Variants in ANKRD28 observed in about 807,000 individuals in gnomAD.
ANKRD28 encodes serine/threonine-protein phosphatase 6 regulatory ankyrin repeat subunit A.
Under a neutral mutation model 126.5 loss-of-function variants are expected in ANKRD28, and 44 were observed. The observed-to-expected ratio is 0.35, with a 90% confidence interval of 0.27 to 0.45. ANKRD28 has a LOEUF of 0.45. Among genes scored for constraint, ANKRD28 ranks in the 20% least tolerant of loss-of-function variants. The pLI is 1.00. For synonymous variants in ANKRD28, 442 were observed against 468.5 expected, an observed-to-expected ratio of 0.94 and a Z score of 0.73; for missense variants, 1,110 against 1,316.6, an observed-to-expected ratio of 0.84 and a Z score of 2.43.
In ANKRD28 at chr3:15,833,029, A is replaced by C. The variant is rs2061238915; in HGVS notation, c.27+26348T>G. 6.6e-6 allele frequency among the ~76,000 whole-genome samples: 1 copy of C among 152,152 alleles called. No individual in the cohort carries two copies. The highest frequency in any genetic ancestry group is 6.5e-5 in the Admixed American group (1 of 15,282). ...ACTATTTTCCATAAGGATTTTACTAACTTACATTCCCACCAATAGTGTATA... is the reference window on the plus strand; with the variant it reads ...ACTATTTTCCATAAGGATTTTACTACCTTACATTCCCACCAATAGTGTATA... On this transcript the variant is annotated intron_variant, in intron 1 of 27. Coordinates refer to the ANKRD28 transcript ENST00000399451. This position sits in a 1 kb window ranked among gnomAD's most constrained non-coding sequence, Gnocchi z 4.4.
In ANKRD28 at chr3:15,833,975, C is replaced by T. The variant is rs2061266111; in HGVS notation, c.27+25402G>A. Reference sequence around the variant, plus strand: ...GTTCCTTGTAGATTCTGGATATTAGCCTTTTGTCAGATGCAGTTTTCACAT... The same window carrying T: ...GTTCCTTGTAGATTCTGGATATTAGTCTTTTGTCAGATGCAGTTTTCACAT... On this transcript the variant is annotated intron_variant, in intron 1 of 27. Transcript: ENST00000399451. This position sits in a 1 kb window ranked among gnomAD's most constrained non-coding sequence, Gnocchi z 4.4. Among the ~76,000 whole-genome samples the T allele has an allele frequency of 6.6e-6, 1 of 151,924 alleles. No homozygotes were observed. Among genetic ancestry groups the T allele is most frequent in the Non-Finnish European group, 1.5e-5 (1 of 67,966 alleles).
intron 6 of ANKRD28, among the ~76,000 whole-genome samples, chr3:15,725,536 A>G (rs997577518): frequency 6.6e-6 from 1 of 152,076 alleles, no homozygotes; most frequent in Admixed American, 6.6e-5. Flanking sequence ...TTAAAAATTG[A>G]AAGTTTGTGG....
At chr3:15,847,752 A>G (rs2061558338) in intron 1 of ANKRD28, among the ~76,000 whole-genome samples, 1 of 152,192 alleles carries the variant, frequency 6.6e-6, no homozygotes, top group Non-Finnish European at 1.5e-5. Context: ...CCACTTTTCA[A>G]ATGGATAACA....
chr3:15,856,903 A>G (rs1440511617), intron 1 of ANKRD28, among the ~76,000 whole-genome samples: 7 of 152,246 alleles, frequency 4.6e-5, no homozygotes, highest in Non-Finnish European at 1.0e-4. Context: ...CTAAAAAAGT[A>G]CATTCTACTA....
rs765563891 is a variant in ANKRD28, at chr3:15,686,338, A to G, written c.1964-29T>C. 6 of 1,445,048 alleles carry G rather than the reference A, an allele frequency of 4.2e-6. No individual in the cohort carries two copies. In the South Asian group the frequency reaches 7.4e-5, roughly 18 times the overall value. The allele number at this position is 1,445,048 out of a possible 1,614,324, so 89.5% of individuals were successfully genotyped here. On this transcript the variant is annotated intron_variant, in intron 18 of 27. Coordinates refer to ENST00000683139, the MANE Select transcript of ANKRD28 (RefSeq NM_001349278.2). ...TAAAGTGAAATTTAAACATTTCAGT[A>G]ATTACATATAATGATAAAATAGAAA...
rs796716938 is a variant in ANKRD28 at position 15,812,004 on chromosome 3, T to C, written c.28-16698A>G. Among the ~76,000 whole-genome samples, 12 of 151,738 alleles carry C rather than the reference T, an allele frequency of 7.9e-5. No individual in the cohort carries two copies. Among genetic ancestry groups the C allele is most frequent in the African/African-American group, 2.7e-4 (11 of 41,406 alleles). On this transcript the variant is annotated intron_variant, in intron 1 of 27. Coordinates refer to the ANKRD28 transcript ENST00000399451. This position sits in a 1 kb window ranked among gnomAD's most constrained non-coding sequence, Gnocchi z 4.1. ...CCTATCTTTACTAAAAATAGAAAAATTAGCCAGGCGTGGTGGTACGCACCT... is the reference window on the plus strand; with the variant it reads ...CCTATCTTTACTAAAAATAGAAAAACTAGCCAGGCGTGGTGGTACGCACCT...
intron 8 of ANKRD28, among the ~76,000 whole-genome samples, chr3:15,718,358 C>T (rs1398351924): frequency 1.3e-5 from 2 of 152,182 alleles, no homozygotes; most frequent in African/African-American, 2.4e-5. Flanking sequence ...TTAAATATAT[C>T]TTAATGCCTT....
At chr3:15,744,967 T>C (rs1051807855) in intron 4 of ANKRD28, among the ~76,000 whole-genome samples, 9 of 152,150 alleles carry the variant, frequency 5.9e-5, no homozygotes, top group African/African-American at 1.7e-4. Flanking sequence ...CGCTTTGTGG[T>C]TTTGATTTAC....
chr3:15,850,101 T>C (rs2061605393), intron 1 of ANKRD28, among the ~76,000 whole-genome samples: 1 of 150,972 alleles, frequency 6.6e-6, no homozygotes, highest in Non-Finnish European at 1.5e-5. Flanking sequence ...AGTCAACTGA[T>C]TTATGATACA....
intron 4 of ANKRD28, among the ~76,000 whole-genome samples, chr3:15,741,881 C>T (rs62240809): frequency 0.46 from 70,459 of 151,558 alleles, 19,307 homozygotes; most frequent in Non-Finnish European, 0.6. Context: ...CGATTGCAGG[C>T]GCGCGCCACC....
chr3:15,859,266 T>G, intron 1 of ANKRD28: 3 of 1,447,100 alleles, frequency 2.1e-6, no homozygotes, highest in African/African-American at 3.0e-5. Flanking sequence ...GACCCCCGTT[T>G]CCCTCGCAAC....
rs1252608663 is a variant in ANKRD28 at position 15,859,419 on chromosome 3, G to A, written c.-16C>T. The A allele has an allele frequency of 2.0e-6, 3 of 1,523,038 alleles. 1 individual carries two copies. The highest frequency in any genetic ancestry group is 2.4e-5 in the South Asian group (2 of 82,248). 94.3% of individuals were successfully genotyped at this position (1,523,038 alleles called of 1,614,324 possible). A position where few individuals can be genotyped will look rare whatever the true frequency, so the allele number is the denominator to read the frequency against. ...GGAACGCCATGGCGGTCGCCTCCGC[G>A]CCCACTCCAGCCTCCTCCTCCTCCG... On this transcript the variant is annotated 5_prime_UTR_variant, in exon 1 of 28. Transcript: ENST00000399451.
intron 25 of ANKRD28, 104 bp downstream of exon 25, chr3:15,677,376 T>C (rs549598148): frequency 1.3e-6 from 1 of 782,848 alleles, no homozygotes; most frequent in East Asian, 2.6e-5. Context: ...CAGTGATCAT[T>C]AGAGAGGTTT....
chr3:15,805,380 A>G (rs1365772982), intron 1 of ANKRD28, among the ~76,000 whole-genome samples: 3 of 152,110 alleles, frequency 2.0e-5, no homozygotes. Flanking sequence ...AGGACTCATC[A>G]TTTTAGAGGT....
chr3:15,767,635 C>T (rs1221465233), intron 2 of ANKRD28, among the ~76,000 whole-genome samples: 1 of 122,060 alleles, frequency 8.2e-6, no homozygotes, highest in South Asian at 2.9e-4. Context: ...GCTGAGGTGG[C>T]GGGTGGATCA....
chr3:15,801,417 T>C (rs542917709), upstream of ANKRD28, among the ~76,000 whole-genome samples: 1 of 152,142 alleles, frequency 6.6e-6, no homozygotes, highest in South Asian at 2.1e-4. This position sits in a 1 kb window ranked among gnomAD's most constrained non-coding sequence, Gnocchi z 4.9. Flanking sequence ...CGTATTATCA[T>C]AGAATAGAAT....
upstream of ANKRD28, chr3:15,798,220 C>A: frequency 1.0e-6 from 1 of 960,664 alleles, no homozygotes; most frequent in Non-Finnish European, 1.2e-6. Flanking sequence ...AACGGCTTAA[C>A]TGCTTTCGTG....
At chr3:15,685,105 A>G in intron 21 of ANKRD28, 121 bp downstream of exon 21, 1 of 953,162 alleles carries the variant, frequency 1.0e-6, no homozygotes, top group Non-Finnish European at 1.6e-6. Flanking sequence ...ACGTGAGCCT[A>G]TACAGTAGAT....
Position 15,843,996 on chromosome 3 carries a change from A to G in ANKRD28, c.27+15381T>C, listed in dbSNP as rs2061479692. Among the ~76,000 whole-genome samples, 1 of 152,134 alleles carries G rather than the reference A, an allele frequency of 6.6e-6. No homozygotes were observed. Among genetic ancestry groups the G allele is most frequent in the African/African-American group, 2.4e-5 (1 of 41,426 alleles). ...GGAAATGCAGGAACGAAAGCTGGGT[A>G]GGGTAGGTGATAGTTGAAGAAAAAG... On this transcript the variant is annotated intron_variant, in intron 1 of 27. Coordinates refer to the ANKRD28 transcript ENST00000399451. This position sits in a 1 kb window ranked among gnomAD's most constrained non-coding sequence, Gnocchi z 5.2.
Sources: allele counts gnomAD v4.1 joint callset (sites outside exome capture counted in the v4.1 genomes callset), GRCh38; gene constraint gnomAD v4.1.1; non-coding constraint Gnocchi (gnomAD v3.1); transcripts MANE v1.5; gene names NCBI Gene and HGNC (gene_info 2026-07-23, HGNC 2026-07-21).